KLHL1: variants seen among roughly 807,000 people sequenced by gnomAD.
The protein encoded by KLHL1 is kelch-like protein 1.
KLHL1 carries 47 observed loss-of-function variants against 77.7 expected under a neutral mutation model. The ratio of observed to expected loss-of-function variants is 0.60; its 90% CI spans 0.48 to 0.77. KLHL1 has a LOEUF of 0.77. KLHL1 is among the 30% of genes least tolerant of loss of function. The pLI is 0.00. For missense variants in KLHL1, 925 were observed against 910.8 expected, an observed-to-expected ratio of 1.02 and a Z score of -0.20; for synonymous variants, 360 against 325.2, an observed-to-expected ratio of 1.11 and a Z score of -1.15.
rs1383403241 is a variant in KLHL1, at chr13:69,719,402, T to C, written c.1982A>G (p.Asn661Ser). The C allele has an allele frequency of 6.2e-7, 1 of 1,613,554 alleles. No individual in the cohort carries two copies. Among genetic ancestry groups the C allele is most frequent in the Non-Finnish European group, 8.5e-7 (1 of 1,179,706 alleles). The change falls in exon 9 of 11, where the codon AAT becomes AGT. Residue 661 changes from asparagine (N) to serine (S), a missense_variant. By Grantham distance (46) the Asn-to-Ser change is conservative (BLOSUM62 1). Transcript: ENST00000377844. The stretch of plus-strand genomic sequence containing the variant: ...ATAATCCAGTAGCCGGGAACAGTGA[T>C]TTGAAGCAGGAGCATCATGACCTCC... ...AVGGHDAPAS[N>S]HCSRLLDYVE...
chr13:69,915,240 T>G (rs9542113), intron 4 of KLHL1, among the ~76,000 whole-genome samples: 67,011 of 151,330 alleles, frequency 0.44, 15,339 homozygotes, highest in East Asian at 0.6. Context: ...TGGAAAAAAC[T>G]ACTTTCAAGT....
chr13:69,832,606 C>T (rs117351956), intron 6 of KLHL1, among the ~76,000 whole-genome samples: 3,026 of 135,910 alleles, frequency 0.022, 141 homozygotes, highest in Middle Eastern at 0.041. Context: ...CTAAACCTCA[C>T]GTGGAATCAA....
chr13:69,761,784 C>T (rs978452536), intron 7 of KLHL1, among the ~76,000 whole-genome samples: 20 of 152,216 alleles, frequency 1.3e-4, no homozygotes, highest in Non-Finnish European at 2.8e-4. Context: ...CAATGGCTGC[C>T]TGGTTTTTCC....
chr13:69,777,461 T>C (rs1435074815), intron 7 of KLHL1, among the ~76,000 whole-genome samples: 1 of 152,186 alleles, frequency 6.6e-6, no homozygotes, highest in Non-Finnish European at 1.5e-5. Context: ...TTAGATATTA[T>C]CCTTATATCT....
At chr13:69,909,646 T>C (rs1378832877) in intron 4 of KLHL1, among the ~76,000 whole-genome samples, 3 of 152,084 alleles carry the variant, frequency 2.0e-5, no homozygotes, top group African/African-American at 7.2e-5. Flanking sequence ...CTCCTATTCA[T>C]TCCATGCATG....
intron 6 of KLHL1, among the ~76,000 whole-genome samples, chr13:69,815,305 G>C (rs1324287116): frequency 6.6e-6 from 1 of 152,140 alleles, no homozygotes; most frequent in Non-Finnish European, 1.5e-5. Context: ...AATCAACCCA[G>C]TTGCCGACCA....
At chr13:70,016,869 C>T (rs183855443) in intron 1 of KLHL1, among the ~76,000 whole-genome samples, 30 of 152,150 alleles carry the variant, frequency 2.0e-4, no homozygotes, top group Admixed American at 7.2e-4. Context: ...CACCCATGGA[C>T]AAATCAGCAT....
At chr13:69,900,256 A>G (rs544318434) in intron 4 of KLHL1, among the ~76,000 whole-genome samples, 7 of 152,334 alleles carry the variant, frequency 4.6e-5, no homozygotes, top group African/African-American at 9.6e-5. Flanking sequence ...TGACAAATAC[A>G]GTACAACAAT....
intron 1 of KLHL1, among the ~76,000 whole-genome samples, chr13:70,050,453 T>TA (rs1312086672): frequency 1.3e-5 from 2 of 151,978 alleles, no homozygotes; most frequent in Admixed American, 6.6e-5. Context: ...TTTTCCTTTT[T>TA]AAAAAACCCA....
intron 4 of KLHL1, among the ~76,000 whole-genome samples, chr13:69,935,237 C>T (rs1883147534): frequency 6.6e-6 from 1 of 150,740 alleles, no homozygotes; most frequent in African/African-American, 2.5e-5. Flanking sequence ...AGTTCACCCA[C>T]TGGTGAACTT....
chr13:70,026,003 C>T (rs1885931840), intron 1 of KLHL1, among the ~76,000 whole-genome samples: 1 of 152,070 alleles, frequency 6.6e-6, no homozygotes, highest in Non-Finnish European at 1.5e-5. Context: ...TCACATTGAC[C>T]TTCCATTTGT....
chr13:69,903,998 T>C (rs530839859), intron 4 of KLHL1, among the ~76,000 whole-genome samples: 26 of 152,098 alleles, frequency 1.7e-4, no homozygotes, highest in African/African-American at 5.3e-4. Flanking sequence ...CTATATGCCC[T>C]ATGTATTTAA....
At chr13:70,039,727 C>T (rs1886328216) in intron 1 of KLHL1, among the ~76,000 whole-genome samples, 3 of 150,212 alleles carry the variant, frequency 2.0e-5, no homozygotes, top group Admixed American at 1.3e-4. Flanking sequence ...GCAACCTCTG[C>T]CTCCTGGACT....
At chr13:69,932,324 A>C (rs1402010826) in intron 4 of KLHL1, among the ~76,000 whole-genome samples, 2 of 151,802 alleles carry the variant, frequency 1.3e-5, no homozygotes, top group African/African-American at 4.8e-5. Context: ...TCATTAAAAA[A>C]AGCAAATTAT....
intron 1 of KLHL1, among the ~76,000 whole-genome samples, chr13:70,015,387 T>C (rs1885632655): frequency 6.6e-6 from 1 of 152,200 alleles, no homozygotes; most frequent in African/African-American, 2.4e-5. Flanking sequence ...TATAGTCTTA[T>C]GTGACCACCA....
chr13:69,705,948 A>T (rs1875607055), intron 10 of KLHL1, among the ~76,000 whole-genome samples: 1 of 151,738 alleles, frequency 6.6e-6, no homozygotes, highest in Admixed American at 6.6e-5. Flanking sequence ...ATATAAACAT[A>T]AACTTCCTTT....
At chr13:69,961,995 T>G (rs1884079666) in intron 2 of KLHL1, among the ~76,000 whole-genome samples, 1 of 152,084 alleles carries the variant, frequency 6.6e-6, no homozygotes, top group Admixed American at 6.6e-5. Flanking sequence ...AGTAACTTTT[T>G]AAGTTTTAAA....
At chr13:69,944,948 G>T (rs73510173) in intron 3 of KLHL1, among the ~76,000 whole-genome samples, 20,299 of 146,062 alleles carry the variant, frequency 0.14, 2,294 homozygotes, top group African/African-American at 0.29. Flanking sequence ...GGATCACGAA[G>T]CTAAATTCAA....
chr13:69,723,175 C>G (rs1873147053), intron 8 of KLHL1, among the ~76,000 whole-genome samples: 1 of 151,946 alleles, frequency 6.6e-6, no homozygotes, highest in Non-Finnish European at 1.5e-5. Flanking sequence ...CTGGAGAGAA[C>G]TAGTGGGGAG....
Sources: gnomAD v4.1 joint callset for allele counts (sites outside exome capture counted in the v4.1 genomes callset) on GRCh38, gnomAD v4.1.1 for gene constraint, MANE v1.5 for transcripts, NCBI Gene and HGNC (gene_info 2026-07-23, HGNC 2026-07-21) for gene names.